The following TIAM2 variants were observed in gnomAD, a reference collection of about 807,000 sequenced individuals.
The protein encoded by TIAM2 is rho guanine nucleotide exchange factor TIAM2.
Under a neutral mutation model 152.9 loss-of-function variants are expected in TIAM2, and 80 were observed. That is an observed-to-expected ratio of 0.52 (90% CI 0.44 to 0.63). The LOEUF is 0.63. Among genes scored for constraint, TIAM2 ranks in the 30% least tolerant of loss-of-function variants. TIAM2 has a pLI of 0.00. For synonymous variants in TIAM2, 804 were observed against 838.0 expected, an observed-to-expected ratio of 0.96 and a Z score of 0.70; for missense variants, 1,965 against 2,120.1, an observed-to-expected ratio of 0.93 and a Z score of 1.44.
In TIAM2 at chr6:155,213,542, A is replaced by G. The variant is rs12660494; in HGVS notation, c.3168+2235A>G. On this transcript the variant is annotated intron_variant, in intron 15 of 26. Coordinates refer to ENST00000682666, the MANE Select transcript of TIAM2 (RefSeq NM_012454.4). The surrounding 1 kb of genome is among the most constrained non-coding windows in gnomAD (Gnocchi z 4.2). ...ATTGGTCCATAGTGGCCATGAGCAG[A>G]CCCAGAAAAAGCTCCATAAGTTCCC... is the stretch of plus-strand genomic sequence containing the variant. 0.21 allele frequency among the ~76,000 whole-genome samples: 32,252 copies of G among 152,066 alleles called. 4,085 individuals are homozygous for G. The highest frequency in any genetic ancestry group is 0.34 in the African/African-American group (14,036 of 41,480).
At chr6:155,150,341 A>G (rs1057254466) in intron 7 of TIAM2, among the ~76,000 whole-genome samples, 3 of 152,244 alleles carry the variant, frequency 2.0e-5, no homozygotes, top group Non-Finnish European at 2.9e-5. Flanking sequence ...GACAGCTGGT[A>G]TAGTCATCAA....
intron 8 of TIAM2, among the ~76,000 whole-genome samples, chr6:155,165,060 C>T (rs528335336): frequency 1.3e-5 from 2 of 152,202 alleles, no homozygotes; most frequent in African/African-American, 4.8e-5. Flanking sequence ...TGCTGCCCAC[C>T]ATGGAGAGAG....
chr6:155,037,715 G>A (rs9397220), intron 1 of TIAM2, among the ~76,000 whole-genome samples: 22,078 of 151,848 alleles, frequency 0.15, 1,865 homozygotes, highest in East Asian at 0.32. Context: ...TTTTTAGTAG[G>A]GATGGGGTTT....
At chr6:155,082,991 A>ATC (rs1288807964) in intron 1 of TIAM2, among the ~76,000 whole-genome samples, 1 of 152,050 alleles carries the variant, frequency 6.6e-6, no homozygotes, top group Non-Finnish European at 1.5e-5. Context: ...CTCTCGCCTC[A>ATC]TCTCTCTTTG....
chr6:155,074,853 CAAAAA>C (rs71023618), intron 1 of TIAM2, among the ~76,000 whole-genome samples: 3 of 37,662 alleles, frequency 8.0e-5, no homozygotes, highest in Non-Finnish European at 1.5e-4. Flanking sequence ...GACTCTGTCT[CAAAAA>C]AAAAAAAAAA....
At chr6:155,127,711 A>G (rs1258099500) in intron 3 of TIAM2, 111 bp downstream of exon 3, 1 of 421,300 alleles carries the variant, frequency 2.4e-6, no homozygotes, top group African/African-American at 2.1e-5. Context: ...AAAATATTTG[A>G]TAATTACCAC....
chr6:155,169,438 A>G (rs1164864609), intron 9 of TIAM2, among the ~76,000 whole-genome samples: 1 of 152,242 alleles, frequency 6.6e-6, no homozygotes, highest in Non-Finnish European at 1.5e-5. Context: ...ATCTAACCTC[A>G]TGTTAACTCC....
At chr6:155,025,748 T>C (rs1776587557) in intron 1 of TIAM2, among the ~76,000 whole-genome samples, 2 of 151,634 alleles carry the variant, frequency 1.3e-5, no homozygotes, top group South Asian at 4.2e-4. Flanking sequence ...CCCGCCAATT[T>C]TACCAATCAC....
intron 14 of TIAM2, among the ~76,000 whole-genome samples, chr6:155,195,182 G>C (rs893709542): frequency 2.6e-5 from 4 of 152,226 alleles, no homozygotes; most frequent in Non-Finnish European, 5.9e-5. Flanking sequence ...AATAAAACTT[G>C]TAACTAAGAA....
intron 2 of TIAM2, among the ~76,000 whole-genome samples, chr6:155,109,589 A>G (rs1778786320): frequency 6.6e-6 from 1 of 152,250 alleles, no homozygotes; most frequent in Admixed American, 6.5e-5. Context: ...AAACAGGCTT[A>G]CAAATATCAG....
intron 26 of TIAM2, chr6:155,255,063 T>C (rs569545239): frequency 6.4e-6 from 1 of 156,706 alleles, no homozygotes; most frequent in African/African-American, 2.4e-5. Flanking sequence ...TTTTTGCTTC[T>C]AGTGCAGCAT....
chr6:155,081,304 C>T (rs1167353992), intron 1 of TIAM2, among the ~76,000 whole-genome samples: 1 of 151,874 alleles, frequency 6.6e-6, no homozygotes, highest in Non-Finnish European at 1.5e-5. Context: ...TTCACTCATT[C>T]CCCCCGCCCA....
chr6:155,139,499 G>T lies in TIAM2; in HGVS notation c.1630+1887G>T, dbSNP rs571632028. Among the ~76,000 whole-genome samples the T allele has an allele frequency of 5.9e-5, 9 of 152,292 alleles. No individual in the cohort carries two copies. In the South Asian group the frequency reaches 1.9e-3, roughly 32 times the overall value. On this transcript the variant is annotated intron_variant, in intron 5 of 26. Coordinates refer to ENST00000682666, the MANE Select transcript of TIAM2 (RefSeq NM_012454.4). The stretch of plus-strand genomic sequence containing the variant: ...TTCCATACTGGCGAGGCAGATTTCT[G>T]TATTGAATGACAGAAACAATTTGGA...
chr6:155,140,261 T>C (rs1032896969), intron 5 of TIAM2, among the ~76,000 whole-genome samples: 12 of 152,192 alleles, frequency 7.9e-5, no homozygotes, highest in African/African-American at 1.9e-4. Flanking sequence ...TGAAAGGTTG[T>C]CCTGGAGGAT....
At chr6:155,077,506 A>G (rs1447812659) in intron 1 of TIAM2, among the ~76,000 whole-genome samples, 2 of 152,176 alleles carry the variant, frequency 1.3e-5, no homozygotes, top group Non-Finnish European at 2.9e-5. Context: ...TTAGTAACGG[A>G]CATTGAGGCC....
intron 14 of TIAM2, among the ~76,000 whole-genome samples, chr6:155,191,019 A>G (rs991303216): frequency 6.6e-6 from 1 of 152,170 alleles, no homozygotes; most frequent in African/African-American, 2.4e-5. Flanking sequence ...CAAGTATGAA[A>G]ATCTTCTTTT....
In TIAM2 at chr6:155,146,154, A is replaced by G. The variant is rs182555902; in HGVS notation, c.1803+1376A>G. Among the ~76,000 whole-genome samples the G allele has an allele frequency of 1.1e-4, 16 of 152,200 alleles. No individual in the cohort carries two copies. In the East Asian group the frequency reaches 3.1e-3, roughly 29 times the overall value. ...GCACTTTGGAGGCTGAGGCAGGAGG[A>G]TGGCTTGTGGCGAGGAGTTTGAAAT... On this transcript the variant is annotated intron_variant, in intron 6 of 26. Coordinates refer to ENST00000682666, the MANE Select transcript of TIAM2 (RefSeq NM_012454.4).
chr6:155,005,063 C>A, intron 1 of TIAM2: 1 of 443,306 alleles, frequency 2.3e-6, no homozygotes, highest in Non-Finnish European at 3.8e-6. Flanking sequence ...TGGTCAGTTG[C>A]ACCAGAGTAG....
At chr6:155,219,374 G>A (rs1263943837) in intron 15 of TIAM2, among the ~76,000 whole-genome samples, 2 of 152,118 alleles carry the variant, frequency 1.3e-5, no homozygotes, top group African/African-American at 4.8e-5. Context: ...AAGCCTGAGC[G>A]GCTCTGCCAG....
Sources: allele counts gnomAD v4.1 joint callset (sites outside exome capture counted in the v4.1 genomes callset), GRCh38; gene constraint gnomAD v4.1.1; non-coding constraint Gnocchi (gnomAD v3.1); transcripts MANE v1.5; gene names NCBI Gene and HGNC (gene_info 2026-07-23, HGNC 2026-07-21).